The following PDCD6IP variants were observed in gnomAD, a reference collection of about 807,000 sequenced individuals.
The protein encoded by PDCD6IP is programmed cell death 6-interacting protein.
PDCD6IP carries 43 observed loss-of-function variants against 103.7 expected under a neutral mutation model. The observed-to-expected ratio is 0.41, with a 90% CI of 0.32 to 0.53. The LOEUF is 0.53. Among genes scored for constraint, PDCD6IP ranks in the 20% least tolerant of loss-of-function variants. The probability of loss-of-function intolerance (pLI) is 0.16; values close to 1 mark genes in which losing one functional copy is unlikely to be tolerated. For synonymous variants in PDCD6IP, 354 were observed against 378.7 expected, an observed-to-expected ratio of 0.93 and a Z score of 0.76; for missense variants, 871 against 1,036.7, an observed-to-expected ratio of 0.84 and a Z score of 2.20.
intron 7 of PDCD6IP, among the ~76,000 whole-genome samples, chr3:33,831,114 A>T (rs1278433944): frequency 6.6e-6 from 1 of 152,136 alleles, no homozygotes; most frequent in East Asian, 1.9e-4. Flanking sequence ...AGCTTAATAC[A>T]GCTCATGAGT....
Position 33,798,787 on chromosome 3 carries a change from C to T in PDCD6IP, c.59C>T (p.Pro20Leu), listed in dbSNP as rs866836879. 14 of 1,574,894 alleles carry T rather than the reference C, an allele frequency of 8.9e-6. No individual in the cohort carries two copies. Among genetic ancestry groups the T allele is most frequent in the Admixed American group, 7.3e-5 (4 of 54,464 alleles). ...KKTSEVDLAK[P>L]LVKFIQQTYP... ...ACCTCAGAGGTGGACCTGGCCAAGC[C>T]GCTGGTGAAGTTCATCCAGCAGACT... Residue 20 changes from proline to leucine, a missense_variant, in exon 1 of 18, where the codon CCG becomes CTG. Physicochemically the swap from Pro to Leu is moderately conservative, Grantham distance 98 (BLOSUM62 -3). Around this residue, in one of 5 missense-constraint regions of PDCD6IP, gnomAD observed 114 missense variants for 106.7 expected, o/e 1.07. Coordinates refer to ENST00000307296, the MANE Select transcript of PDCD6IP (RefSeq NM_013374.6).
intron 8 of PDCD6IP, among the ~76,000 whole-genome samples, chr3:33,837,131 G>A (rs1697367465): frequency 6.6e-6 from 1 of 151,958 alleles, no homozygotes; most frequent in South Asian, 2.1e-4. Flanking sequence ...TGTTGGTCAG[G>A]CTGGCCTGGA....
At chr3:33,843,224 A>C (rs1269721785) in intron 10 of PDCD6IP, among the ~76,000 whole-genome samples, 3 of 152,148 alleles carry the variant, frequency 2.0e-5, no homozygotes, top group Non-Finnish European at 4.4e-5. Flanking sequence ...CTGTTTTAAA[A>C]ATTCATCCAC....
chr3:33,800,119 C>CAAAAAAAAAAAAAAAAAA (rs1173163869), intron 1 of PDCD6IP, among the ~76,000 whole-genome samples: 2 of 50,872 alleles, frequency 3.9e-5, no homozygotes, highest in Non-Finnish European at 8.1e-5. Context: ...GACTCCATCT[C>CAAAAAAAAAAAAAAAAAA]AAAAAAAAAA....
At chr3:33,831,050 G>A (rs1697233644) in intron 7 of PDCD6IP, among the ~76,000 whole-genome samples, 2 of 152,088 alleles carry the variant, frequency 1.3e-5, no homozygotes, top group South Asian at 4.1e-4. Context: ...GGCAGCAAAG[G>A]TAAAATAACT....
chr3:33,841,026 C>CTTT (rs552141831), intron 9 of PDCD6IP, among the ~76,000 whole-genome samples: 17 of 140,742 alleles, frequency 1.2e-4, no homozygotes, highest in East Asian at 6.2e-4. Context: ...TATTTTTTGA[C>CTTT]TTTTTTTTTT....
intron 11 of PDCD6IP, 39 bp downstream of exon 11, chr3:33,844,262 C>A: frequency 8.6e-7 from 1 of 1,166,508 alleles, no homozygotes; most frequent in Non-Finnish European, 1.2e-6. Flanking sequence ...TGAATAAATT[C>A]CCAATTTCGA....
At chr3:33,805,212 C>T (rs1278268748) in intron 1 of PDCD6IP, among the ~76,000 whole-genome samples, 15 of 151,752 alleles carry the variant, frequency 9.9e-5, no homozygotes, top group African/African-American at 3.1e-4. Context: ...AAAAGTTAGC[C>T]GGTCATGGTG....
At chr3:33,828,555 A>T (rs1327854729) in intron 6 of PDCD6IP, 1 of 195,434 alleles carries the variant, frequency 5.1e-6, no homozygotes, top group Non-Finnish European at 1.0e-5. Context: ...TTCTTTTTGT[A>T]AACAAAATGT....
At chr3:33,855,775 A>G (rs752363350) in intron 15 of PDCD6IP, among the ~76,000 whole-genome samples, 1 of 152,266 alleles carries the variant, frequency 6.6e-6, no homozygotes, top group Non-Finnish European at 1.5e-5. Context: ...ATAAAACTTC[A>G]TAGATGAAGA....
intron 6 of PDCD6IP, 119 bp downstream of exon 6, chr3:33,826,699 G>GA: frequency 7.0e-7 from 1 of 1,426,702 alleles, no homozygotes; most frequent in Non-Finnish European, 9.3e-7. Flanking sequence ...AGAGTTATCT[G>GA]AAGTATATAG....
Position 33,869,121 on chromosome 3 carries a change from T to C in PDCD6IP, c.*2596T>C, listed in dbSNP as rs960252106. 4 of 152,342 alleles carry C rather than the reference T, an allele frequency of 2.6e-5. No homozygotes were observed. Among genetic ancestry groups the C allele is most frequent in the South Asian group, 2.1e-4 (1 of 4,830 alleles). The allele number at this position is 152,342 out of a possible 1,614,324, so 9.4% of individuals were successfully genotyped here. ...AAGTTCTGTCCCAGTCAGCAGTCTT[T>C]ATAGTCCAAACAGATTATAAAAAAT... On this transcript the variant is annotated 3_prime_UTR_variant, in exon 18 of 18. Transcript: ENST00000307296.
chr3:33,838,693 G>T (rs1309683084), intron 9 of PDCD6IP, among the ~76,000 whole-genome samples: 1 of 151,338 alleles, frequency 6.6e-6, no homozygotes, highest in Non-Finnish European at 1.5e-5. Context: ...AAATTTTTAG[G>T]TATATTTTAC....
chr3:33,798,804 C>G lies in PDCD6IP; in HGVS notation c.76C>G (p.Gln26Glu), dbSNP rs1005185115. 1 of 1,570,232 alleles carries G rather than the reference C, an allele frequency of 6.4e-7. No individual in the cohort carries two copies. The highest frequency in any genetic ancestry group is 8.6e-7 in the Non-Finnish European group (1 of 1,158,130). Reference protein sequence around the residue: ...DLAKPLVKFIQQTYPSGGEEQ... With the variant: ...DLAKPLVKFIEQTYPSGGEEQ... ...GGCCAAGCCGCTGGTGAAGTTCATC[C>G]AGCAGACTTACCCAAGCGGCGGGGA... Residue 26 changes from glutamine to glutamate, a missense_variant, in exon 1 of 18, where the codon CAG becomes GAG. Around this residue, in one of 5 missense-constraint regions of PDCD6IP, gnomAD observed 114 missense variants for 106.7 expected, o/e 1.07. Coordinates refer to ENST00000307296, the MANE Select transcript of PDCD6IP (RefSeq NM_013374.6).
chr3:33,834,587 A>C (rs372212473), intron 7 of PDCD6IP, among the ~76,000 whole-genome samples: 1 of 152,166 alleles, frequency 6.6e-6, no homozygotes, highest in South Asian at 2.1e-4. Flanking sequence ...TATAATTTCT[A>C]TTTTACGAAG....
chr3:33,805,712 C>A (rs1696580749), intron 1 of PDCD6IP, among the ~76,000 whole-genome samples: 1 of 151,068 alleles, frequency 6.6e-6, no homozygotes, highest in Non-Finnish European at 1.5e-5. Context: ...AGCCACCATA[C>A]CTGGCCAATT....
At chr3:33,804,897 C>T (rs559246051) in intron 1 of PDCD6IP, among the ~76,000 whole-genome samples, 1 of 152,234 alleles carries the variant, frequency 6.6e-6, no homozygotes, top group Admixed American at 6.5e-5. Flanking sequence ...TATCTCTGGC[C>T]CAGCTTTTCT....
chr3:33,826,672 A>T, intron 6 of PDCD6IP, 92 bp downstream of exon 6: 1 of 1,536,768 alleles, frequency 6.5e-7, no homozygotes, highest in Non-Finnish European at 8.8e-7. Flanking sequence ...ACTTATAAAG[A>T]AATTTGAAGT....
intron 3 of PDCD6IP, among the ~76,000 whole-genome samples, chr3:33,816,615 T>C (rs1488219725): frequency 2.6e-5 from 4 of 151,010 alleles, no homozygotes; most frequent in East Asian, 1.9e-4. Context: ...ACTCAAGTCA[T>C]GTAAGGTTGG....
Sources: gnomAD v4.1 joint callset for allele counts (sites outside exome capture counted in the v4.1 genomes callset) on GRCh38, gnomAD v4.1.1 for gene constraint, gnomAD v4.1.1 regional missense constraint, MANE v1.5 for transcripts, NCBI Gene and HGNC (gene_info 2026-07-23, HGNC 2026-07-21) for gene names.